Variants in PTPRK observed in about 807,000 individuals in gnomAD.
The protein encoded by PTPRK is protein tyrosine phosphatase receptor type K, also known as receptor-type tyrosine-protein phosphatase kappa.
In PTPRK, 75 loss-of-function variants were observed where a neutral mutation model predicts 178.0. That is an observed-to-expected ratio of 0.42 (90% CI 0.35 to 0.51). PTPRK has a LOEUF of 0.51. Among genes scored for constraint, PTPRK ranks in the 20% least tolerant of loss-of-function variants. PTPRK has a pLI of 0.02. For missense variants in PTPRK, 1,441 were observed against 1,797.8 expected (o/e 0.80, Z 3.59); for synonymous variants, 637 against 620.6 (o/e 1.03, Z -0.39).
intron 13 of PTPRK, among the ~76,000 whole-genome samples, chr6:128,038,633 G>A (rs1194603155): frequency 1.3e-5 from 2 of 152,142 alleles, no homozygotes; most frequent in African/African-American, 4.8e-5. Flanking sequence ...CTCAGGAAAT[G>A]CGACAGGACC....
intron 7 of PTPRK, among the ~76,000 whole-genome samples, chr6:128,123,325 C>T (rs1472991443): frequency 6.6e-6 from 1 of 152,094 alleles, no homozygotes; most frequent in African/African-American, 2.4e-5. Flanking sequence ...ATAGAACAAG[C>T]TTAGGTTGTT....
chr6:128,171,378 T>C (rs747530316), intron 7 of PTPRK, among the ~76,000 whole-genome samples: 1 of 152,026 alleles, frequency 6.6e-6, no homozygotes, highest in Non-Finnish European at 1.5e-5. Context: ...TAGGGGATAA[T>C]GCGAGCACCT....
chr6:128,208,673 A>T (rs1807443674), intron 6 of PTPRK, among the ~76,000 whole-genome samples: 2 of 152,174 alleles, frequency 1.3e-5, no homozygotes, highest in African/African-American at 4.8e-5. Flanking sequence ...ACAGTTAAAC[A>T]ACATGAAAAA....
chr6:128,351,810 GA>G (rs1833176854), intron 2 of PTPRK, among the ~76,000 whole-genome samples: 1 of 152,134 alleles, frequency 6.6e-6, no homozygotes, highest in Non-Finnish European at 1.5e-5. Context: ...GGGGCTTAGA[GA>G]GATGGGGTCA....
At chr6:128,259,107 G>A (rs1486332314) in intron 3 of PTPRK, among the ~76,000 whole-genome samples, 3 of 152,100 alleles carry the variant, frequency 2.0e-5, no homozygotes, top group Non-Finnish European at 4.4e-5. Context: ...GGGAGACAGG[G>A]AAAGCATGGA....
chr6:128,362,874 C>A (rs1016076068), intron 2 of PTPRK, among the ~76,000 whole-genome samples: 1 of 152,066 alleles, frequency 6.6e-6, no homozygotes, highest in Non-Finnish European at 1.5e-5. Context: ...GGTACAAATA[C>A]TTTCCCCAAA....
intron 3 of PTPRK, among the ~76,000 whole-genome samples, chr6:128,273,232 A>T (rs184235828): frequency 9.2e-5 from 14 of 152,132 alleles, no homozygotes; most frequent in African/African-American, 3.1e-4. Context: ...GTGGGGAGGG[A>T]TAGCATTAGG....
chr6:128,114,758 G>T (rs1791220364), intron 7 of PTPRK, among the ~76,000 whole-genome samples: 1 of 150,946 alleles, frequency 6.6e-6, no homozygotes, highest in African/African-American at 2.4e-5. Context: ...GATGAGATTT[G>T]GGTGGGGACA....
At chr6:128,008,544 C>T (rs1778685773) in intron 14 of PTPRK, among the ~76,000 whole-genome samples, 1 of 150,864 alleles carries the variant, frequency 6.6e-6, no homozygotes, top group South Asian at 2.1e-4. Context: ...AGTTTAAATT[C>T]CAGTAGGTCT....
In PTPRK at chr6:128,438,926, G is replaced by GA. The variant is rs560801697; in HGVS notation, c.101-41239dup. Among the ~76,000 whole-genome samples, 1,254 of 146,952 alleles carry GA rather than the reference G, an allele frequency of 8.5e-3. 11 individuals are homozygous for GA. Among genetic ancestry groups the GA allele is most frequent in the African/African-American group, 0.027 (1,097 of 40,214 alleles). ...TTTCCCATTGAAACAGAAGTTTAGA[G>GA]AAAAAAAAAATGACCATATAATTAT... On this transcript the variant is annotated intron_variant, in intron 1 of 29. Transcript: ENST00000368226.
At chr6:128,380,100 G>A (rs764642837) in intron 2 of PTPRK, among the ~76,000 whole-genome samples, 2 of 151,958 alleles carry the variant, frequency 1.3e-5, no homozygotes, top group Non-Finnish European at 2.9e-5. Flanking sequence ...TAGCAAACGG[G>A]CTTTCATCTC....
At chr6:128,511,175 G>T (rs1385556752) in intron 1 of PTPRK, among the ~76,000 whole-genome samples, 1 of 152,194 alleles carries the variant, frequency 6.6e-6, no homozygotes, top group Non-Finnish European at 1.5e-5. Flanking sequence ...ATCTGTAAAT[G>T]TATACAAGCC....
chr6:128,499,972 A>T (rs951394663), intron 1 of PTPRK, among the ~76,000 whole-genome samples: 5 of 152,250 alleles, frequency 3.3e-5, no homozygotes, highest in African/African-American at 1.2e-4. Flanking sequence ...TAGGACCAGT[A>T]AACACTAAAA....
chr6:128,241,424 T>C (rs1814430490), intron 4 of PTPRK: 1 of 426,022 alleles, frequency 2.3e-6, no homozygotes, highest in African/African-American at 2.0e-5. Flanking sequence ...CTGTAGGTGA[T>C]TCCGAAGCAC....
intron 7 of PTPRK, among the ~76,000 whole-genome samples, chr6:128,114,304 G>C (rs560067457): frequency 1.3e-5 from 2 of 152,006 alleles, no homozygotes; most frequent in African/African-American, 4.8e-5. Context: ...GCAAGTGAGC[G>C]GGGAAGTGCC....
intron 2 of PTPRK, among the ~76,000 whole-genome samples, chr6:128,369,846 A>T (rs1009162272): frequency 1.6e-4 from 24 of 152,084 alleles, no homozygotes; most frequent in African/African-American, 5.8e-4. Context: ...TGTTCCAATG[A>T]TGGGAGGTAA....
At chr6:128,241,817 G>C (rs1328190622) in intron 4 of PTPRK, among the ~76,000 whole-genome samples, 1 of 141,266 alleles carries the variant, frequency 7.1e-6, no homozygotes, top group East Asian at 2.1e-4. Flanking sequence ...GTCTTGCTGT[G>C]GTTGCCCAGG....
intron 3 of PTPRK, among the ~76,000 whole-genome samples, chr6:128,291,786 T>C (rs1823423937): frequency 6.6e-6 from 1 of 152,152 alleles, no homozygotes; most frequent in South Asian, 2.1e-4. Context: ...CAATACATTC[T>C]CAATTTCTCT....
intron 3 of PTPRK, among the ~76,000 whole-genome samples, chr6:128,273,779 T>C (rs990645293): frequency 6.6e-6 from 1 of 152,178 alleles, no homozygotes; most frequent in African/African-American, 2.4e-5. Flanking sequence ...GGAAAATTAG[T>C]CAGTGCATAA....
Sources: gnomAD v4.1 joint callset for allele counts (sites outside exome capture counted in the v4.1 genomes callset) on GRCh38, gnomAD v4.1.1 for gene constraint, MANE v1.5 for transcripts, NCBI Gene and HGNC (gene_info 2026-07-23, HGNC 2026-07-21) for gene names.